PRELID2: variants seen among roughly 807,000 people sequenced by gnomAD.
PRELID2 encodes the protein PRELI domain containing 2, also known as PRELI domain-containing protein 2.
Under a neutral mutation model 28.4 loss-of-function variants are expected in PRELID2, and 25 were observed. That is an observed-to-expected ratio of 0.88 (90% CI 0.64 to 1.23). PRELID2 has a LOEUF of 1.23. Among genes scored for constraint, PRELID2 ranks in the 50% most tolerant of loss-of-function variants. The pLI, the probability that PRELID2 is intolerant of heterozygous loss-of-function variation, is 0.00. For synonymous variants in PRELID2, 76 were observed against 71.6 expected (o/e 1.06, Z -0.31); for missense variants, 201 against 214.4 (o/e 0.94, Z 0.39).
chr5:145,390,687 C>T, the PRELID2 span, among the ~76,000 whole-genome samples: 2 of 152,168 alleles, frequency 1.3e-5, no homozygotes, highest in East Asian at 3.8e-4. Flanking sequence ...ACACCGTCAT[C>T]CCTTTCTAAC....
At chr5:145,336,049 CT>C in the PRELID2 span, among the ~76,000 whole-genome samples, 2 of 152,212 alleles carry the variant, frequency 1.3e-5, no homozygotes, top group Non-Finnish European at 2.9e-5. Flanking sequence ...TATCATGTGT[CT>C]TTTGGCTGCA....
At chr5:145,574,575 G>A (rs57049514) in intron 1 of PRELID2, among the ~76,000 whole-genome samples, 16,673 of 152,142 alleles carry the variant, frequency 0.11, 2,484 homozygotes, top group African/African-American at 0.34. Context: ...AGTTTTATAA[G>A]CTTATGTTTT....
intron 1 of PRELID2, among the ~76,000 whole-genome samples, chr5:145,644,459 A>C (rs1280681899): frequency 2.0e-5 from 3 of 152,168 alleles, no homozygotes; most frequent in South Asian, 4.1e-4. Flanking sequence ...TTTTCAAAAA[A>C]AAACAGCTCC....
chr5:145,362,039 T>C, the PRELID2 span, among the ~76,000 whole-genome samples: 1 of 152,204 alleles, frequency 6.6e-6, no homozygotes, highest in Non-Finnish European at 1.5e-5. Context: ...GATATGTTTA[T>C]GGCAGCATTA....
intron 1 of PRELID2, among the ~76,000 whole-genome samples, chr5:145,824,727 C>T (rs1755066008): frequency 6.6e-6 from 1 of 152,080 alleles, no homozygotes; most frequent in South Asian, 2.1e-4. Flanking sequence ...GGAAAATGAG[C>T]CTGCCTTCAG....
chr5:145,647,267 G>A (rs1362939437), intron 1 of PRELID2, among the ~76,000 whole-genome samples: 1 of 152,152 alleles, frequency 6.6e-6, no homozygotes, highest in Non-Finnish European at 1.5e-5. Flanking sequence ...GCTGAGCTGC[G>A]GTGGGCTCTG....
At chr5:145,694,340 G>A (rs1755211601) in intron 1 of PRELID2, among the ~76,000 whole-genome samples, 1 of 151,976 alleles carries the variant, frequency 6.6e-6, no homozygotes, top group Non-Finnish European at 1.5e-5. Flanking sequence ...GGGGGAGGGG[G>A]CAGTCTTTAT....
At chr5:145,792,338 G>A (rs1752451230) in intron 5 of PRELID2, among the ~76,000 whole-genome samples, 1 of 152,286 alleles carries the variant, frequency 6.6e-6, no homozygotes, top group African/African-American at 2.4e-5. Flanking sequence ...ATTTCATTAT[G>A]TTGTCCAGAA....
At chr5:145,542,225 T>C (rs10076285) in intron 1 of PRELID2, among the ~76,000 whole-genome samples, 48,904 of 151,924 alleles carry the variant, frequency 0.32, 8,523 homozygotes, top group African/African-American at 0.46. Flanking sequence ...AGCTTTCCAG[T>C]GTGGCCACCC....
At chr5:145,493,851 C>T (rs1752288079) in intron 1 of PRELID2, among the ~76,000 whole-genome samples, 2 of 152,088 alleles carry the variant, frequency 1.3e-5, no homozygotes, top group Admixed American at 6.6e-5. Context: ...TTTTGTATTC[C>T]CACAGTTCTT....
intron 2 of PRELID2, among the ~76,000 whole-genome samples, chr5:145,821,152 GGTGTGTGTGTGTGTGTGT>G (rs70998038): frequency 1.1e-5 from 1 of 88,192 alleles, no homozygotes; most frequent in African/African-American, 4.0e-5. Context: ...AACTCTCCTG[GGTGTGTGTGTGTGTGTGT>G]GTGTGTGTGT....
intron 5 of PRELID2, among the ~76,000 whole-genome samples, chr5:145,772,640 G>A (rs1285060488): frequency 6.6e-6 from 1 of 152,158 alleles, no homozygotes; most frequent in Non-Finnish European, 1.5e-5. Flanking sequence ...TCAAAGGGGT[G>A]GAGCCCTCAC....
chr5:145,667,579 A>G (rs1754619051), intron 1 of PRELID2, among the ~76,000 whole-genome samples: 1 of 152,060 alleles, frequency 6.6e-6, no homozygotes, highest in African/African-American at 2.4e-5. Flanking sequence ...GGCAGTTGAT[A>G]CTGTAGTTCA....
chr5:145,612,302 A>C (rs756437849), intron 1 of PRELID2, among the ~76,000 whole-genome samples: 13 of 152,170 alleles, frequency 8.5e-5, no homozygotes, highest in Non-Finnish European at 1.5e-4. Context: ...GCAAATTTGA[A>C]ATCATTTCAA....
the PRELID2 span, among the ~76,000 whole-genome samples, chr5:145,373,591 G>T: frequency 1.0e-4 from 1 of 9,590 alleles, no homozygotes; most frequent in Non-Finnish European, 1.6e-4. Flanking sequence ...TAATATATAT[G>T]ATATTATATA....
chr5:145,396,832 C>T, the PRELID2 span, among the ~76,000 whole-genome samples: 1 of 151,836 alleles, frequency 6.6e-6, no homozygotes, highest in South Asian at 2.1e-4. Flanking sequence ...AGACTAATTA[C>T]TAAGGTGAAG....
At chr5:145,676,816 CT>C (rs1227520009) in intron 1 of PRELID2, among the ~76,000 whole-genome samples, 1 of 152,054 alleles carries the variant, frequency 6.6e-6, no homozygotes, top group Non-Finnish European at 1.5e-5. Context: ...GAAAAAAATA[CT>C]TTTAATAACA....
chr5:145,556,521 T>G (rs1752881567), intron 1 of PRELID2, among the ~76,000 whole-genome samples: 1 of 152,200 alleles, frequency 6.6e-6, no homozygotes, highest in Non-Finnish European at 1.5e-5. Context: ...AGTCCCTGCC[T>G]CAGGCACATT....
At chr5:145,357,043 T>G in the PRELID2 span, among the ~76,000 whole-genome samples, 2 of 152,200 alleles carry the variant, frequency 1.3e-5, no homozygotes, top group African/African-American at 4.8e-5. Flanking sequence ...ATTTCCTTTC[T>G]TTAAGAATGT....
Sources: allele counts gnomAD v4.1 joint callset (sites outside exome capture counted in the v4.1 genomes callset), GRCh38; gene constraint gnomAD v4.1.1; transcripts MANE v1.5; gene names NCBI Gene and HGNC (gene_info 2026-07-23, HGNC 2026-07-21).